IL12RB2: variants seen among roughly 807,000 people sequenced by gnomAD.
The protein encoded by IL12RB2 is interleukin 12 receptor subunit beta 2.
Under a neutral mutation model 89.4 loss-of-function variants are expected in IL12RB2, and 82 were observed. The observed-to-expected ratio is 0.92, with a 90% confidence interval of 0.77 to 1.10. The LOEUF (loss-of-function observed/expected upper bound fraction) is 1.10. Ranked by LOEUF, IL12RB2 falls within the 50% of genes least tolerant of loss-of-function variation. IL12RB2 has a pLI of 0.00. For missense variants in IL12RB2, 963 were observed against 1,031.9 expected, an observed-to-expected ratio of 0.93 and a Z score of 0.92; for synonymous variants, 368 against 370.1, an observed-to-expected ratio of 0.99 and a Z score of 0.07.
In IL12RB2 at chr1:67,380,620, G is replaced by C. The variant is rs374133134; in HGVS notation, c.1855+497G>C. Among the ~76,000 whole-genome samples the C allele has an allele frequency of 8.5e-5, 13 of 152,344 alleles. No homozygotes were observed. The South Asian group carries it at 1.4e-3, about 17-fold the overall frequency. ...ATTAATTTGCTGGGGCTGCTGTAACGAAGCACCACAAACTGAGTGGCCTAA... is the reference window on the plus strand; with the variant it reads ...ATTAATTTGCTGGGGCTGCTGTAACCAAGCACCACAAACTGAGTGGCCTAA... On this transcript the variant is annotated intron_variant, in intron 14 of 16. Transcript: ENST00000674203.
At chr1:67,393,853 G>GA (rs1666083822) in intron 16 of IL12RB2, among the ~76,000 whole-genome samples, 1 of 151,464 alleles carries the variant, frequency 6.6e-6, no homozygotes, top group Admixed American at 6.6e-5. Context: ...CCCAGGGTGT[G>GA]CCTTGTCCCA....
intron 14 of IL12RB2, among the ~76,000 whole-genome samples, chr1:67,383,295 G>A (rs1324709578): frequency 1.3e-5 from 2 of 152,054 alleles, no homozygotes; most frequent in South Asian, 2.1e-4. Context: ...TTACCTCCCC[G>A]CAAGTCCCTC....
At chr1:67,352,391 G>A (rs766265960) in intron 10 of IL12RB2, among the ~76,000 whole-genome samples, 63 of 152,178 alleles carry the variant, frequency 4.1e-4, no homozygotes, top group Non-Finnish European at 4.4e-4. Context: ...CCTCTGCCAA[G>A]TTTGGCTTTC....
In IL12RB2 at chr1:67,372,440, C is replaced by T. The variant is rs757620995; in HGVS notation, c.1464C>T (p.Asn488=). ...GGAATTCCCTTTTCCTTGCAGAGAACATAAAATCCTACATCTGTTATGAAA... is the reference window on the plus strand; with the variant it reads ...GGAATTCCCTTTTCCTTGCAGAGAATATAAAATCCTACATCTGTTATGAAA... The part of the protein sequence containing the change: ...PYNVSALISE[N]IKSYICYEIR... Residue 488 remains asparagine, a synonymous_variant, in exon 12 of 17, where the codon AAC becomes AAT. Transcript: ENST00000674203. The T allele has an allele frequency of 1.3e-6, 2 of 1,549,694 alleles. No individual in the cohort carries two copies. The highest frequency in any genetic ancestry group is 2.2e-5 in the South Asian group (2 of 89,812).
intron 1 of IL12RB2, among the ~76,000 whole-genome samples, chr1:67,312,037 C>A (rs927065514): frequency 2.0e-5 from 3 of 152,110 alleles, no homozygotes; most frequent in African/African-American, 4.8e-5. Flanking sequence ...AAAACCTTTC[C>A]AATACACTAA....
At chr1:67,318,208 C>A (rs1569721443) in intron 2 of IL12RB2, among the ~76,000 whole-genome samples, 1 of 152,092 alleles carries the variant, frequency 6.6e-6, no homozygotes. Flanking sequence ...GTGAACCAGG[C>A]AAAAATGTAA....
intron 9 of IL12RB2, among the ~76,000 whole-genome samples, chr1:67,339,022 C>G (rs1330602275): frequency 6.6e-6 from 1 of 151,986 alleles, no homozygotes; most frequent in African/African-American, 2.4e-5. Flanking sequence ...CCCACCTCTC[C>G]TACATAAATA....
chr1:67,393,376 A>T (rs1666032856), intron 16 of IL12RB2, among the ~76,000 whole-genome samples: 1 of 152,234 alleles, frequency 6.6e-6, no homozygotes, highest in South Asian at 2.1e-4. Context: ...CTTGGCAGCC[A>T]GAGGGCCCGC....
intron 13 of IL12RB2, among the ~76,000 whole-genome samples, chr1:67,375,224 G>C (rs1663832331): frequency 6.6e-6 from 1 of 151,984 alleles, no homozygotes; most frequent in South Asian, 2.1e-4. Context: ...GTGAAACCCT[G>C]TCTCTACCAA....
At chr1:67,317,136 G>A (rs1293100158) in intron 2 of IL12RB2, among the ~76,000 whole-genome samples, 1 of 152,192 alleles carries the variant, frequency 6.6e-6, no homozygotes, top group African/African-American at 2.4e-5. Context: ...AAGACACAGA[G>A]GCATGAATAG....
chr1:67,359,797 T>A (rs1661786179), intron 10 of IL12RB2, among the ~76,000 whole-genome samples: 1 of 152,078 alleles, frequency 6.6e-6, no homozygotes, highest in African/African-American at 2.4e-5. Flanking sequence ...CATCATTCTG[T>A]CATAATAACA....
intron 10 of IL12RB2, among the ~76,000 whole-genome samples, chr1:67,367,203 G>A (rs959894987): frequency 1.3e-5 from 2 of 151,724 alleles, no homozygotes; most frequent in Non-Finnish European, 2.9e-5. Context: ...GATCAGCCTG[G>A]GCAACGTAGC....
Position 67,396,423 on chromosome 1 carries a change from G to C in IL12RB2, c.*334G>C. 2.3e-6 allele frequency: 1 copy of C among 434,036 alleles called. No individual in the cohort carries two copies. The highest frequency in any genetic ancestry group is 2.1e-5 in the South Asian group (1 of 47,386). The allele number at this position is 434,036 out of a possible 1,614,324, so 26.9% of individuals were successfully genotyped here. A position where few individuals can be genotyped will look rare whatever the true frequency, so the allele number is the denominator to read the frequency against. On this transcript the variant is annotated 3_prime_UTR_variant, in exon 17 of 17. Coordinates refer to ENST00000674203, the MANE Select transcript of IL12RB2 (RefSeq NM_001374259.2). ...AGAAACCACAGCTCTTAGTAGTAAT[G>C]GCATACAGTCTAGAGGACCATTCAT... is the stretch of plus-strand genomic sequence containing the variant.
At chr1:67,352,277 CTTAT>C (rs1660935523) in intron 10 of IL12RB2, among the ~76,000 whole-genome samples, 1 of 152,136 alleles carries the variant, frequency 6.6e-6, no homozygotes, top group Non-Finnish European at 1.5e-5. Context: ...ACTATAGGAA[CTTAT>C]TTATCCTCTC....
intron 15 of IL12RB2, among the ~76,000 whole-genome samples, chr1:67,386,875 TATATATATA>T (rs1665230731): frequency 4.0e-4 from 8 of 19,984 alleles, no homozygotes; most frequent in Admixed American, 3.0e-3. Context: ...ATGTATTTTA[TATATATATA>T]TATATATATA....
At chr1:67,329,139 A>T (rs1046243343) in intron 6 of IL12RB2, among the ~76,000 whole-genome samples, 5 of 152,084 alleles carry the variant, frequency 3.3e-5, no homozygotes, top group Admixed American at 6.5e-5. Flanking sequence ...TAGACCGTTC[A>T]TCTCTAGGCT....
rs1665647822 is a variant in IL12RB2 at position 67,390,146 on chromosome 1, TGTGGTC to T, written c.2046+19_2046+24del. On this transcript the variant is annotated intron_variant, in intron 16 of 16. Coordinates refer to ENST00000674203, the MANE Select transcript of IL12RB2 (RefSeq NM_001374259.2). ...TTGCAGAGGTAAGGTACAATTCCTC[TGTGGTC>T]AGTCAGTGGAGTTCTAGTGATCACC... is the stretch of plus-strand genomic sequence containing the variant. 4.2e-6 allele frequency: 4 copies of T among 948,470 alleles called. No individual in the cohort carries two copies. The highest frequency in any genetic ancestry group is 7.0e-6 in the Non-Finnish European group (4 of 571,130). 58.8% of individuals were successfully genotyped at this position (948,470 alleles called of 1,614,324 possible). A position where few individuals can be genotyped will look rare whatever the true frequency, so the allele number is the denominator to read the frequency against.
At chr1:67,356,883 T>A (rs539867776) in intron 10 of IL12RB2, among the ~76,000 whole-genome samples, 1 of 152,064 alleles carries the variant, frequency 6.6e-6, no homozygotes, top group Non-Finnish European at 1.5e-5. Context: ...ACAGAACTAA[T>A]GCAACAGATA....
At chr1:67,316,654 C>T (rs150147731) in intron 2 of IL12RB2, among the ~76,000 whole-genome samples, 146 of 152,254 alleles carry the variant, frequency 9.6e-4, no homozygotes, top group Middle Eastern at 3.4e-3. Context: ...GTCACTTTCT[C>T]CAACAGCCCT....
Sources: allele counts gnomAD v4.1 joint callset (sites outside exome capture counted in the v4.1 genomes callset), GRCh38; gene constraint gnomAD v4.1.1; transcripts MANE v1.5; gene names NCBI Gene and HGNC (gene_info 2026-07-23, HGNC 2026-07-21).